Variants in UBXN11 observed in about 807,000 individuals in gnomAD.
The protein encoded by UBXN11 is UBX domain protein 11, also known as UBX domain-containing protein 11.
UBXN11 carries 47 observed loss-of-function variants against 62.8 expected under a neutral mutation model. The observed-to-expected ratio is 0.75, with a 90% CI of 0.59 to 0.95. UBXN11 has a LOEUF of 0.95. Among genes scored for constraint, UBXN11 ranks in the 40% least tolerant of loss-of-function variants. UBXN11 has a pLI of 0.00. For synonymous variants in UBXN11, 294 were observed against 267.0 expected (o/e 1.10, Z -0.99); for missense variants, 638 against 661.7 (o/e 0.96, Z 0.39).
In UBXN11 at chr1:26,282,338, GCCGGGACCGGGA is replaced by G. The variant is rs1377115437; in HGVS notation, c.1512_1523del (p.Gly506_Pro509del). ...GACTGGGTCCAGGACAGGGACTGGG[GCCGGGACCGGGA>G]CCGGGACTGGGGCCGGGACCGGGAC... On this transcript the variant is annotated inframe_deletion, in exon 15 of 15. Transcript: ENST00000374222. 11 of 324,336 alleles carry G rather than the reference GCCGGGACCGGGA, an allele frequency of 3.4e-5. No individual in the cohort carries two copies. The highest frequency in any genetic ancestry group is 1.8e-4 in the South Asian group (5 of 28,404). The allele number at this position is 324,336 out of a possible 1,614,324, so 20.1% of individuals were successfully genotyped here.
intron 9 of UBXN11, 114 bp downstream of exon 9, chr1:26,285,709 C>T: frequency 1.4e-6 from 2 of 1,425,118 alleles, no homozygotes. Context: ...CGTGTGTGGG[C>T]CTGGGTGCCC....
chr1:26,282,675 G>T lies in UBXN11; in HGVS notation c.1266C>A (p.Asp422Glu). ...TGGCCTGCGCTAGCAGAGCTCGCACGTCCCCAATGGTGTTGTCAGGCTGCA... is the reference window on the plus strand; with the variant it reads ...TGGCCTGCGCTAGCAGAGCTCGCACTTCCCCAATGGTGTTGTCAGGCTGCA... Reference protein sequence around the residue: ...LMMQPDNTIGDVRALLAQARV... With the variant: ...LMMQPDNTIGEVRALLAQARV... The change falls in exon 14 of 15, where the codon GAC becomes GAA. Residue 422 changes from aspartate (D) to glutamate (E), a missense_variant. Transcript: ENST00000374222. The T allele has an allele frequency of 6.2e-7, 1 of 1,614,138 alleles. No individual in the cohort carries two copies. The highest frequency in any genetic ancestry group is 8.5e-7 in the Non-Finnish European group (1 of 1,180,030).
chr1:26,318,258 G>C, exon 1 of UBXN11: 1 of 594,544 alleles, frequency 1.7e-6, no homozygotes, highest in Non-Finnish European at 3.0e-6. Context: ...TCTGGCTGGG[G>C]CTGCACTGCT....
chr1:26,293,766 C>G (rs2073329137), intron 8 of UBXN11, among the ~76,000 whole-genome samples: 1 of 141,866 alleles, frequency 7.0e-6, no homozygotes, highest in Middle Eastern at 4.2e-3. Context: ...ATGGTAGGGG[C>G]CCACAGAACC....
At chr1:26,292,354 C>T (rs2073288280) in intron 8 of UBXN11, among the ~76,000 whole-genome samples, 1 of 151,652 alleles carries the variant, frequency 6.6e-6, no homozygotes, top group Non-Finnish European at 1.5e-5. Flanking sequence ...CTCGTCTCTA[C>T]AAAAAATAAA....
At chr1:26,315,269 A>G (rs1428772661) in intron 1 of UBXN11, among the ~76,000 whole-genome samples, 4 of 152,204 alleles carry the variant, frequency 2.6e-5, no homozygotes, top group Non-Finnish European at 5.9e-5. Flanking sequence ...CATCTCCAGC[A>G]TGGGAAACTA....
intron 6 of UBXN11, 59 bp downstream of exon 6, chr1:26,297,368 C>G: frequency 1.4e-6 from 2 of 1,472,312 alleles, no homozygotes; most frequent in South Asian, 2.7e-5. Flanking sequence ...TCCAGGAGCC[C>G]TGGGCCCAGG....
chr1:26,284,299 GC>G (rs1009949165), intron 11 of UBXN11, 54 bp from the exon 12 acceptor site: 15 of 1,610,430 alleles, frequency 9.3e-6, no homozygotes, highest in Non-Finnish European at 1.2e-5. Context: ...TGGTGGTGGA[GC>G]CCCCCTGGAG....
rs542541985 is a variant in UBXN11, at chr1:26,301,708, C to A, written c.86G>T (p.Arg29Leu). The A allele has an allele frequency of 2.0e-5, 33 of 1,613,920 alleles. 1 individual carries two copies. In the South Asian group the frequency reaches 2.6e-4, roughly 13 times the overall value. Residue 29 changes from arginine (R) to leucine (L), a missense_variant, in exon 3 of 15, where the codon CGC (arginine) becomes CTC (leucine). Arg to Leu is a moderately radical substitution (Grantham distance 102). Coordinates refer to ENST00000374222, the MANE Select transcript of UBXN11 (RefSeq NM_001389556.1). Reference sequence around the variant, plus strand: ...GGCACACTTACCATCTCCATAGATGCGGATTCCTCGCCTCCTGGGAACCCA... The same window carrying A: ...GGCACACTTACCATCTCCATAGATGAGGATTCCTCGCCTCCTGGGAACCCA... ...EPMNPGRRGIRIYGDEDEVDM... is the reference protein window; with the variant it reads ...EPMNPGRRGILIYGDEDEVDM...
At chr1:26,283,144 A>G (rs943092132) in intron 12 of UBXN11, among the ~76,000 whole-genome samples, 1 of 151,864 alleles carries the variant, frequency 6.6e-6, no homozygotes, top group Admixed American at 6.6e-5. Flanking sequence ...CCCCCAGGTA[A>G]CCCCCCGTTT....
chr1:26,301,793 C>T, intron 2 of UBXN11, 71 bp from the exon 3 acceptor site: 1 of 1,593,296 alleles, frequency 6.3e-7, no homozygotes, highest in East Asian at 2.2e-5. Context: ...GGATAAGGCT[C>T]TGGGCACCGG....
chr1:26,308,903 G>A (rs1045158730), upstream of UBXN11, among the ~76,000 whole-genome samples: 1 of 151,852 alleles, frequency 6.6e-6, no homozygotes, highest in Admixed American at 6.6e-5. Context: ...GAGGAAAATG[G>A]GAGCCCTCTA....
intron 1 of UBXN11, among the ~76,000 whole-genome samples, chr1:26,303,825 G>GA (rs2124672391): frequency 6.6e-6 from 1 of 152,230 alleles, no homozygotes; most frequent in South Asian, 2.1e-4. Flanking sequence ...AAGCTCAAAG[G>GA]AAGCACTGAA....
chr1:26,285,148 GGGGACAGCC>G, intron 10 of UBXN11: 1 of 1,135,186 alleles, frequency 8.8e-7, no homozygotes, highest in Non-Finnish European at 1.1e-6. Context: ...AGGAGACTTG[GGGGACAGCC>G]GGGCCACTTC....
At chr1:26,285,657 A>G in intron 9 of UBXN11, 116 bp from the exon 10 acceptor site, 8 of 1,355,580 alleles carry the variant, frequency 5.9e-6, no homozygotes, top group Non-Finnish European at 7.9e-6. Flanking sequence ...CACTCTGGAA[A>G]CATTCAGAGT....
At chr1:26,313,993 G>T (rs1248728807) in intron 1 of UBXN11, among the ~76,000 whole-genome samples, 1 of 151,918 alleles carries the variant, frequency 6.6e-6, no homozygotes, top group Non-Finnish European at 1.5e-5. Context: ...TGTTAGCCAG[G>T]ATGGTCTCGA....
chr1:26,284,156 T>C lies in UBXN11; in HGVS notation c.1063A>G (p.Arg355Gly). Residue 355 changes from arginine (R) to glycine (G), a missense_variant, in exon 12 of 15, where the codon AGG (arginine) becomes GGG (glycine). Transcript: ENST00000374222. ...GEVIDIRGPI[R>G]DTLQNCCPLP... is the part of the protein sequence containing the mutation. ...ATTGGCCTCACCTGCAAGGTGTCCC[T>C]GATGGGGCCCCGGATGTCAATCACC... The C allele has an allele frequency of 1.9e-6, 3 of 1,610,728 alleles. No homozygotes were observed. In the East Asian group the frequency reaches 6.7e-5, roughly 36 times the overall value.
At chr1:26,290,065 C>G (rs1328351165) in intron 8 of UBXN11, among the ~76,000 whole-genome samples, 1 of 152,246 alleles carries the variant, frequency 6.6e-6, no homozygotes, top group African/African-American at 2.4e-5. Context: ...GCAGCTCTCT[C>G]TGGCCCCTGC....
chr1:26,291,511 C>T (rs777674753), intron 8 of UBXN11, among the ~76,000 whole-genome samples: 62 of 152,184 alleles, frequency 4.1e-4, no homozygotes, highest in Non-Finnish European at 5.3e-4. Flanking sequence ...GCACAAACAA[C>T]CAAACAGGGC....
Sources: gnomAD v4.1 joint callset for allele counts (sites outside exome capture counted in the v4.1 genomes callset) on GRCh38, gnomAD v4.1.1 for gene constraint, MANE v1.5 for transcripts, NCBI Gene and HGNC (gene_info 2026-07-23, HGNC 2026-07-21) for gene names.